The following FAM184B variants were observed in gnomAD, a reference collection of about 807,000 sequenced individuals.
FAM184B encodes the protein protein FAM184B.
Under a neutral mutation model 135.9 loss-of-function variants are expected in FAM184B, and 111 were observed. The observed-to-expected ratio is 0.82, with a 90% CI of 0.70 to 0.96. The LOEUF (loss-of-function observed/expected upper bound fraction) is 0.96. Among genes scored for constraint, FAM184B ranks in the 40% least tolerant of loss-of-function variants. The pLI is 0.00. For missense variants in FAM184B, 1,375 were observed against 1,323.9 expected, an observed-to-expected ratio of 1.04 and a Z score of -0.60; for synonymous variants, 552 against 524.8, an observed-to-expected ratio of 1.05 and a Z score of -0.71.
chr4:17,698,996 G>GT (rs759588190), intron 5 of FAM184B, among the ~76,000 whole-genome samples: 3 of 151,942 alleles, frequency 2.0e-5, no homozygotes, highest in Non-Finnish European at 2.9e-5. Flanking sequence ...AATGTTAAAG[G>GT]AACATTTATA....
At chr4:17,645,947 C>G (rs948848796) in intron 12 of FAM184B, among the ~76,000 whole-genome samples, 2 of 152,196 alleles carry the variant, frequency 1.3e-5, no homozygotes, top group African/African-American at 4.8e-5. Flanking sequence ...CAAAAGAAGA[C>G]ATTTATGCAG....
Position 17,633,884 on chromosome 4 carries a change from T to TTTTTCTGTTTGTATTA in FAM184B, c.2890-12_2893dup (p.Lys965IlefsTer38). On this transcript the variant is annotated frameshift_variant, in exon 17 of 18. Transcript: ENST00000265018. LOFTEE classifies it high-confidence loss of function. ...GCGGCTGGGCACGTCCTCCACCTTC[T>TTTTTCTGTTTGTATTA]TTTTCTGTTTGTATTAATGGACAGG... 1 of 1,546,018 alleles carries TTTTTCTGTTTGTATTA rather than the reference T, an allele frequency of 6.5e-7. No individual in the cohort carries two copies. The highest frequency in any genetic ancestry group is 1.4e-5 in the African/African-American group (1 of 72,916).
rs577602288 is a variant in FAM184B, at chr4:17,751,497, G to A, written c.141+29662C>T. Among the ~76,000 whole-genome samples, 492 of 152,070 alleles carry A rather than the reference G, an allele frequency of 3.2e-3. 4 individuals carry two copies. Among genetic ancestry groups the A allele is most frequent in the African/African-American group, 0.011 (474 of 41,476 alleles). ...AGACACTGAAGTACCTCTCTCCATGGAGAGGCTCTACCTCCAGACTCCTTG... is the reference window on the plus strand; with the variant it reads ...AGACACTGAAGTACCTCTCTCCATGAAGAGGCTCTACCTCCAGACTCCTTG... On this transcript the variant is annotated intron_variant, in intron 1 of 17. Transcript: ENST00000265018.
At chr4:17,645,522 A>G (rs1431212044) in intron 12 of FAM184B, among the ~76,000 whole-genome samples, 1 of 152,200 alleles carries the variant, frequency 6.6e-6, no homozygotes, top group African/African-American at 2.4e-5. Flanking sequence ...CTGGCTAGCC[A>G]TATGTAGAAA....
intron 5 of FAM184B, among the ~76,000 whole-genome samples, chr4:17,702,630 C>T (rs1717014306): frequency 6.6e-6 from 1 of 152,152 alleles, no homozygotes; most frequent in Non-Finnish European, 1.5e-5. Context: ...ATCTGCATGG[C>T]CTAATTTAAA....
Position 17,713,862 on chromosome 4 carries a change from A to G in FAM184B, c.142-4218T>C, listed in dbSNP as rs113185886. The stretch of plus-strand genomic sequence containing the variant: ...AGACAACTGAATTTGCAACCTCAGA[A>G]ATATTTTAATCCAGTAGGAGAGTCA... On this transcript the variant is annotated intron_variant, in intron 1 of 17. Coordinates refer to ENST00000265018, the MANE Select transcript of FAM184B (RefSeq NM_015688.2). 3.1e-4 allele frequency among the ~76,000 whole-genome samples: 47 copies of G among 152,300 alleles called. 1 individual carries two copies. Among genetic ancestry groups the G allele is most frequent in the African/African-American group, 1.1e-3 (46 of 41,544 alleles).
chr4:17,657,816 C>T (rs1715812016), intron 10 of FAM184B, among the ~76,000 whole-genome samples: 1 of 151,964 alleles, frequency 6.6e-6, no homozygotes, highest in African/African-American at 2.4e-5. Flanking sequence ...GCCACCACGC[C>T]GAGTTAATTT....
At chr4:17,765,808 A>G (rs1425327563) in intron 1 of FAM184B, among the ~76,000 whole-genome samples, 1 of 152,158 alleles carries the variant, frequency 6.6e-6, no homozygotes, top group South Asian at 2.1e-4. Flanking sequence ...GTGTGTCCAG[A>G]GTTTGTTCCT....
intron 1 of FAM184B, among the ~76,000 whole-genome samples, chr4:17,764,765 A>G (rs925485469): frequency 3.3e-5 from 5 of 152,216 alleles, no homozygotes; most frequent in Non-Finnish European, 5.9e-5. Context: ...GGGAGCTTGC[A>G]TTAAAATGCA....
At chr4:17,671,227 C>A (rs914877720) in intron 7 of FAM184B, among the ~76,000 whole-genome samples, 1 of 152,118 alleles carries the variant, frequency 6.6e-6, no homozygotes. Flanking sequence ...AGACCCCCTA[C>A]ACCAGCTTCA....
chr4:17,698,595 A>T (rs1056361677), intron 5 of FAM184B, among the ~76,000 whole-genome samples: 1 of 152,182 alleles, frequency 6.6e-6, no homozygotes, highest in African/African-American at 2.4e-5. Context: ...AGAACCAGTC[A>T]TTAGCAATAA....
rs552808404 is a variant in FAM184B at position 17,661,349 on chromosome 4, G to A, written c.1695-1262C>T. On this transcript the variant is annotated intron_variant, in intron 8 of 17. Transcript: ENST00000265018. ...GTGGATGACCTGAGGTCAGGAGTTC[G>A]AGACCAGCCTGGCCAACATGGTGAA... Among the ~76,000 whole-genome samples, 183 of 152,196 alleles carry A rather than the reference G, an allele frequency of 1.2e-3. No individual in the cohort carries two copies. The Middle Eastern group carries it at 0.031, about 25-fold the overall frequency.
intron 1 of FAM184B, among the ~76,000 whole-genome samples, chr4:17,737,571 G>A (rs1717940520): frequency 6.6e-6 from 1 of 152,156 alleles, no homozygotes; most frequent in Non-Finnish European, 1.5e-5. Context: ...AAGATCGTAA[G>A]CAAGATATCA....
chr4:17,660,032 A>G lies in FAM184B; in HGVS notation c.1750T>C (p.Leu584=), dbSNP rs1418045415. The G allele has an allele frequency of 6.4e-7, 1 of 1,551,596 alleles. No homozygotes were observed. The highest frequency in any genetic ancestry group is 1.2e-5 in the South Asian group (1 of 84,058). Residue 584 remains leucine, a synonymous_variant, in exon 9 of 18, where the codon TTG becomes CTG. Coordinates refer to ENST00000265018, the MANE Select transcript of FAM184B (RefSeq NM_015688.2). Reference sequence around the variant, plus strand: ...TGGATTTTGGATGTTTTCTCCTTCAACAAAGAGCCCAGTGGAGGTTGTGGG... The same window carrying G: ...TGGATTTTGGATGTTTTCTCCTTCAGCAAAGAGCCCAGTGGAGGTTGTGGG... The part of the protein sequence containing the change: ...SDPQPPLGSL[L]KEKTSKIQRL...
intron 7 of FAM184B, among the ~76,000 whole-genome samples, chr4:17,668,301 C>T (rs1190414152): frequency 1.3e-5 from 2 of 152,202 alleles, no homozygotes; most frequent in Non-Finnish European, 2.9e-5. Context: ...TATGCTAGGT[C>T]AGTTCCTAAA....
At chr4:17,679,496 C>T (rs1716388787) in intron 7 of FAM184B, among the ~76,000 whole-genome samples, 1 of 152,044 alleles carries the variant, frequency 6.6e-6, no homozygotes. Context: ...CAGGAATGGC[C>T]ATAGTCACAA....
intron 5 of FAM184B, among the ~76,000 whole-genome samples, chr4:17,703,497 C>CAA (rs58452045): frequency 4.7e-4 from 70 of 149,200 alleles, no homozygotes; most frequent in Middle Eastern, 3.4e-3. Flanking sequence ...GACCCTGTCT[C>CAA]AAAAAAAAAC....
At chr4:17,649,375 G>A (rs1715546894) in intron 11 of FAM184B, among the ~76,000 whole-genome samples, 1 of 152,082 alleles carries the variant, frequency 6.6e-6, no homozygotes, top group Middle Eastern at 3.2e-3. Flanking sequence ...ACGAGGTCAG[G>A]AGATCGAGAC....
intron 5 of FAM184B, among the ~76,000 whole-genome samples, chr4:17,694,849 G>A (rs957098755): frequency 6.6e-6 from 1 of 152,178 alleles, no homozygotes; most frequent in Admixed American, 6.5e-5. Flanking sequence ...ATAAAGCTGG[G>A]AGGGGGCTCT....
Sources: allele counts gnomAD v4.1 joint callset (sites outside exome capture counted in the v4.1 genomes callset), GRCh38; gene constraint gnomAD v4.1.1; transcripts MANE v1.5; gene names NCBI Gene and HGNC (gene_info 2026-07-23, HGNC 2026-07-21).